Variants in DYNLT2 observed in about 807,000 individuals in gnomAD.
The protein encoded by DYNLT2 is dynein light chain Tctex-type 2, also known as dynein light chain Tctex-type protein 2.
DYNLT2 carries 24 observed loss-of-function variants against 24.3 expected under a neutral mutation model. The observed-to-expected ratio is 0.99, with a 90% CI of 0.71 to 1.39. The LOEUF is 1.39. Among genes scored for constraint, DYNLT2 ranks in the 40% most tolerant of loss-of-function variants. The pLI, the probability that DYNLT2 is intolerant of heterozygous loss-of-function variation, is 0.00. For missense variants in DYNLT2, 246 were observed against 234.5 expected, an observed-to-expected ratio of 1.05 and a Z score of -0.32; for synonymous variants, 85 against 85.4, an observed-to-expected ratio of 1.00 and a Z score of 0.03.
downstream of DYNLT2, among the ~76,000 whole-genome samples, chr6:169,736,933 A>G (rs760410183): frequency 2.0e-5 from 3 of 151,992 alleles, no homozygotes; most frequent in African/African-American, 7.3e-5. Context: ...CATTCTCCCC[A>G]TCTCCTTCTG....
chr6:169,750,900 G>A (rs1234461811), intron 1 of DYNLT2: 1 of 153,176 alleles, frequency 6.5e-6, no homozygotes, highest in Non-Finnish European at 1.5e-5. Context: ...CCAAAACATG[G>A]CACTATTCTG....
chr6:169,731,422 G>A, the DYNLT2 span, among the ~76,000 whole-genome samples: 31 of 152,296 alleles, frequency 2.0e-4, no homozygotes, highest in African/African-American at 7.0e-4. Context: ...TCAGTTTTAT[G>A]TGTAAGGTAT....
chr6:169,729,267 C>A, the DYNLT2 span, among the ~76,000 whole-genome samples: 183 of 152,300 alleles, frequency 1.2e-3, 2 homozygotes, highest in African/African-American at 4.1e-3. Flanking sequence ...ACTTACTGAA[C>A]TTTTTCTCTA....
the DYNLT2 span, among the ~76,000 whole-genome samples, chr6:169,729,958 C>T: frequency 9.2e-5 from 14 of 152,132 alleles, 1 homozygote; most frequent in African/African-American, 3.1e-4. Context: ...ATTATATTAG[C>T]CCAAGCTAAG....
At chr6:169,735,122 G>T (rs1233390462), downstream of DYNLT2, among the ~76,000 whole-genome samples, 1 of 151,982 alleles carries the variant, frequency 6.6e-6, no homozygotes, top group Non-Finnish European at 1.5e-5. Flanking sequence ...TTTCTGTGGG[G>T]TCAGTGGTGA....
chr6:169,725,312 G>C, the DYNLT2 span: 1 of 398,662 alleles, frequency 2.5e-6, no homozygotes, highest in Non-Finnish European at 4.4e-6. Context: ...ATTCATTATA[G>C]TTGCCTACAC....
the DYNLT2 span, among the ~76,000 whole-genome samples, chr6:169,733,813 T>G: frequency 6.6e-6 from 1 of 152,264 alleles, no homozygotes. Flanking sequence ...TTTTTTCTAA[T>G]TCTGTGAAAA....
intron 1 of DYNLT2, chr6:169,751,033 C>T (rs143889619): frequency 1.9e-5 from 6 of 311,182 alleles, no homozygotes; most frequent in Non-Finnish European, 3.0e-5. Flanking sequence ...ACTCAGAGTA[C>T]TCTCAGGAAA....
At chr6:169,740,074 A>G, downstream of DYNLT2, 1 of 713,134 alleles carries the variant, frequency 1.4e-6, no homozygotes. Context: ...AAAGGCCTCA[A>G]ATGAGAATAA....
At chr6:169,742,467 TACCTAAC>T (rs1459636669) in intron 3 of DYNLT2, among the ~76,000 whole-genome samples, 7 of 152,198 alleles carry the variant, frequency 4.6e-5, no homozygotes, top group Non-Finnish European at 8.8e-5. Context: ...TTTTCCTTAG[TACCTAAC>T]ACCTATTAGT....
intron 1 of DYNLT2, among the ~76,000 whole-genome samples, chr6:169,748,929 T>A (rs1035968318): frequency 8.5e-5 from 13 of 152,348 alleles, no homozygotes; most frequent in Middle Eastern, 6.8e-3. Flanking sequence ...TAATCTTTTT[T>A]AAATTGGGAA....
the DYNLT2 span, among the ~76,000 whole-genome samples, chr6:169,730,771 G>A: frequency 6.6e-6 from 1 of 152,138 alleles, no homozygotes; most frequent in Non-Finnish European, 1.5e-5. Flanking sequence ...GGTGGCAGGC[G>A]CCTGTAGTCC....
chr6:169,744,125 C>G lies in DYNLT2; in HGVS notation c.270G>C (p.Glu90Asp), dbSNP rs202026761. 4.3e-6 allele frequency: 7 copies of G among 1,613,124 alleles called. No individual in the cohort carries two copies. The South Asian group carries it at 5.5e-5, about 13-fold the overall frequency. ...KLKFANSYRM[E>D]PLKKFQAHSV... The stretch of plus-strand genomic sequence containing the variant: ...AATGAGCTTGGAATTTCTTCAATGG[C>G]TCCATTCTATATGAATTAGCAAACT... Residue 90 changes from glutamate (E) to aspartate (D), a missense_variant, in exon 2 of 4, where the codon GAG (glutamate) becomes GAC (aspartate). By Grantham distance (45) the Glu-to-Asp change is conservative. Transcript: ENST00000366774.
intron 1 of DYNLT2, among the ~76,000 whole-genome samples, chr6:169,749,015 G>A (rs1357872220): frequency 3.3e-5 from 5 of 152,004 alleles, no homozygotes; most frequent in Non-Finnish European, 7.4e-5. Flanking sequence ...TCCTTATATT[G>A]AGCCTACATA....
chr6:169,746,900 A>G (rs988586594), intron 1 of DYNLT2, among the ~76,000 whole-genome samples: 1 of 150,578 alleles, frequency 6.6e-6, no homozygotes, highest in African/African-American at 2.4e-5. Flanking sequence ...GTCACACAGG[A>G]TGGCTAAGGA....
chr6:169,734,395 A>G, the DYNLT2 span, among the ~76,000 whole-genome samples: 1 of 152,214 alleles, frequency 6.6e-6, no homozygotes, highest in Non-Finnish European at 1.5e-5. Flanking sequence ...GCTTTTGCCC[A>G]TTCAATATGA....
intron 2 of DYNLT2, 141 bp from the exon 3 acceptor site, chr6:169,743,379 A>C (rs927253851): frequency 2.7e-6 from 1 of 373,924 alleles, no homozygotes; most frequent in East Asian, 4.7e-5. Context: ...ATATTAAATA[A>C]ATTTTATGCT....
intron 1 of DYNLT2, chr6:169,750,820 G>A (rs1390676282): frequency 1.3e-5 from 2 of 152,158 alleles, no homozygotes; most frequent in Admixed American, 6.5e-5. Flanking sequence ...TTTTGGACAG[G>A]GTATTTTCAA....
downstream of DYNLT2, among the ~76,000 whole-genome samples, chr6:169,735,223 T>C (rs947669792): frequency 2.0e-5 from 3 of 152,184 alleles, no homozygotes; most frequent in Non-Finnish European, 2.9e-5. Context: ...TTAATTTTTT[T>C]TCAAAAAACC....
Sources: allele counts gnomAD v4.1 joint callset (sites outside exome capture counted in the v4.1 genomes callset), GRCh38; gene constraint gnomAD v4.1.1; transcripts MANE v1.5; gene names NCBI Gene and HGNC (gene_info 2026-07-23, HGNC 2026-07-21).